Variants in TCF7L2 observed in about 807,000 individuals in gnomAD.
The protein encoded by TCF7L2 is transcription factor 7-like 2.
Under a neutral mutation model 77.9 loss-of-function variants are expected in TCF7L2, and 23 were observed. The observed-to-expected ratio is 0.30, with a 90% confidence interval of 0.21 to 0.42. The LOEUF (loss-of-function observed/expected upper bound fraction) is 0.42. Among genes scored for constraint, TCF7L2 ranks in the 10% least tolerant of loss-of-function variants. TCF7L2 has a pLI of 1.00. For missense variants in TCF7L2, 654 were observed against 793.1 expected, an observed-to-expected ratio of 0.82 and a Z score of 2.11; for synonymous variants, 413 against 340.2, an observed-to-expected ratio of 1.21 and a Z score of -2.36.
chr10:113,144,088 CTGTGTGTGTGTCTGTGTG>C (rs1362118302), intron 7 of TCF7L2, 63 bp downstream of exon 7: 129 of 1,262,006 alleles, frequency 1.0e-4, no homozygotes, highest in Admixed American at 1.2e-4. Context: ...ATTATTTATT[CTGTGTGTGTGTCTGTGTG>C]TGTGTGTGTG....
intron 4 of TCF7L2, among the ~76,000 whole-genome samples, chr10:112,966,208 A>ATATATATATT (rs1352234471): frequency 8.3e-6 from 1 of 120,376 alleles, no homozygotes; most frequent in African/African-American, 3.3e-5. Flanking sequence ...ATATATATAT[A>ATATATATATT]TATTTTCTTT....
At chr10:113,090,671 C>T (rs12267393) in intron 5 of TCF7L2, among the ~76,000 whole-genome samples, 3,336 of 152,272 alleles carry the variant, frequency 0.022, 116 homozygotes, top group African/African-American at 0.077. Flanking sequence ...AGTGCAGTGG[C>T]GCAATCTCAG....
At chr10:113,073,401 T>G (rs1386135212) in intron 5 of TCF7L2, among the ~76,000 whole-genome samples, 2 of 145,534 alleles carry the variant, frequency 1.4e-5, no homozygotes, top group Admixed American at 1.4e-4. Context: ...AAAGGGTGGC[T>G]CACTCCGTAA....
chr10:113,127,665 TGGG>T (rs2065872942), intron 5 of TCF7L2, among the ~76,000 whole-genome samples: 2 of 152,072 alleles, frequency 1.3e-5, no homozygotes, highest in African/African-American at 2.4e-5. Context: ...GATTTTTTTG[TGGG>T]AATGTTCTAA....
chr10:113,019,133 C>G (rs574595031), intron 4 of TCF7L2, among the ~76,000 whole-genome samples: 432 of 152,326 alleles, frequency 2.8e-3, no homozygotes, highest in Non-Finnish European at 4.9e-3. Flanking sequence ...CAGCAAGCAC[C>G]TTTGGGGAAG....
intron 5 of TCF7L2, among the ~76,000 whole-genome samples, chr10:113,063,015 C>T (rs1246401705): frequency 1.3e-5 from 2 of 152,170 alleles, no homozygotes; most frequent in Non-Finnish European, 2.9e-5. Flanking sequence ...GGAAGCAATG[C>T]ACGGAATGAA....
At chr10:113,041,967 A>G (rs2052530286) in intron 5 of TCF7L2, among the ~76,000 whole-genome samples, 1 of 152,158 alleles carries the variant, frequency 6.6e-6, no homozygotes, top group Non-Finnish European at 1.5e-5. Context: ...GAATCCTGGC[A>G]GTGGTTCAGA....
intron 4 of TCF7L2, among the ~76,000 whole-genome samples, chr10:112,998,166 T>A (rs907799847): frequency 6.6e-6 from 1 of 151,696 alleles, no homozygotes; most frequent in African/African-American, 2.4e-5. Context: ...CTTGAACTCC[T>A]GGCCTCAAGA....
At chr10:112,973,508 C>T (rs1219649201) in intron 4 of TCF7L2, among the ~76,000 whole-genome samples, 2 of 152,178 alleles carry the variant, frequency 1.3e-5, no homozygotes, top group Non-Finnish European at 2.9e-5. Context: ...TCTGCTACCA[C>T]TTCCCCACAC....
At chr10:113,084,145 A>G (rs945794251) in intron 5 of TCF7L2, among the ~76,000 whole-genome samples, 3 of 152,214 alleles carry the variant, frequency 2.0e-5, no homozygotes, top group Non-Finnish European at 4.4e-5. Flanking sequence ...CATAAAACCA[A>G]TAGGATGTAT....
chr10:113,152,196 A>G, intron 10 of TCF7L2, 137 bp from the exon 11 acceptor site: 2 of 876,120 alleles, frequency 2.3e-6, no homozygotes, highest in South Asian at 1.4e-5. Context: ...CAGTATGTAC[A>G]GATTATACCA....
chr10:112,950,387 T>A lies in TCF7L2; in HGVS notation c.-370T>A. The stretch of plus-strand genomic sequence containing the variant: ...CTCAAATCCGAGCGGCACGAGCACC[T>A]CCTGTATCTTCGGCTTCCCCCCCCC... On this transcript the variant is annotated 5_prime_UTR_variant, in exon 1 of 14. Coordinates refer to ENST00000627217, the MANE Select transcript of TCF7L2 (RefSeq NM_001146274.2). 3.8e-6 allele frequency: 1 copy of A among 262,908 alleles called. No individual in the cohort carries two copies. The allele number at this position is 262,908 out of a possible 1,614,324, so 16.3% of individuals were successfully genotyped here. A position where few individuals can be genotyped will look rare whatever the true frequency, so the allele number is the denominator to read the frequency against.
At chr10:113,133,175 C>CA (rs2066870461) in intron 5 of TCF7L2, 1 of 152,234 alleles carries the variant, frequency 6.6e-6, no homozygotes, top group African/African-American at 2.4e-5. Flanking sequence ...CACAGCTTTA[C>CA]TGGGTCGGCC....
At chr10:113,134,168 A>C (rs552402435) in intron 5 of TCF7L2, among the ~76,000 whole-genome samples, 60 of 152,340 alleles carry the variant, frequency 3.9e-4, no homozygotes, top group Non-Finnish European at 7.2e-4. Context: ...AGCAACATTC[A>C]ACTAAGGAAG....
At chr10:113,041,627 G>T (rs1472762297) in intron 5 of TCF7L2, among the ~76,000 whole-genome samples, 3 of 152,174 alleles carry the variant, frequency 2.0e-5, no homozygotes, top group African/African-American at 7.2e-5. Context: ...CAGTGCATAG[G>T]TGTAAAGAAG....
intron 12 of TCF7L2, 134 bp from the exon 13 acceptor site, chr10:113,158,533 G>A: frequency 1.2e-6 from 1 of 845,428 alleles, no homozygotes; most frequent in South Asian, 1.5e-5. Context: ...AAATTAAGGA[G>A]GTTTGTCATT....
intron 5 of TCF7L2, among the ~76,000 whole-genome samples, chr10:113,099,104 G>T (rs1428151658): frequency 6.6e-6 from 1 of 152,136 alleles, no homozygotes; most frequent in Admixed American, 6.6e-5. Flanking sequence ...CTTCATTGTG[G>T]GCTGTCCTTG....
At chr10:113,031,066 G>T (rs762353216) in intron 4 of TCF7L2, among the ~76,000 whole-genome samples, 2 of 152,210 alleles carry the variant, frequency 1.3e-5, no homozygotes, top group Non-Finnish European at 2.9e-5. Context: ...TCAGTAGGGT[G>T]TAGGCAAAAG....
At chr10:113,053,877 A>G (rs1229092165) in intron 5 of TCF7L2, among the ~76,000 whole-genome samples, 1 of 152,216 alleles carries the variant, frequency 6.6e-6, no homozygotes, top group Admixed American at 6.5e-5. Context: ...GGGGAGGATG[A>G]CGTACTCAAG....
Sources: allele counts gnomAD v4.1 joint callset (sites outside exome capture counted in the v4.1 genomes callset), GRCh38; gene constraint gnomAD v4.1.1; transcripts MANE v1.5; gene names NCBI Gene and HGNC (gene_info 2026-07-23, HGNC 2026-07-21).